ZNF148: variants seen among roughly 807,000 people sequenced by gnomAD.
ZNF148 encodes the protein zinc finger protein 148.
ZNF148 carries 7 observed loss-of-function variants against 67.7 expected under a neutral mutation model. The ratio of observed to expected loss-of-function variants is 0.10; its 90% CI spans 0.06 to 0.19. The LOEUF (loss-of-function observed/expected upper bound fraction) is 0.19. Ranked by LOEUF, ZNF148 falls within the 10% of genes least tolerant of loss-of-function variation. The pLI is 1.00. For missense variants in ZNF148, 583 were observed against 947.1 expected (o/e 0.62, Z 5.05); for synonymous variants, 333 against 330.7 (o/e 1.01, Z -0.08).
intron 1 of ZNF148, chr3:125,344,105 G>A: frequency 5.2e-6 from 1 of 190,746 alleles, no homozygotes; most frequent in Non-Finnish European, 1.1e-5. Flanking sequence ...TGCAGCAGCT[G>A]CTCCTAACCC....
chr3:125,289,382 T>C (rs1011527686), intron 4 of ZNF148, among the ~76,000 whole-genome samples: 2 of 152,220 alleles, frequency 1.3e-5, no homozygotes, highest in African/African-American at 4.8e-5. Context: ...ATGCAGGCCA[T>C]GTGAGAATCA....
chr3:125,336,321 A>G (rs1368379144), intron 1 of ZNF148, among the ~76,000 whole-genome samples: 1 of 152,194 alleles, frequency 6.6e-6, no homozygotes, highest in Non-Finnish European at 1.5e-5. Context: ...CACATTATAC[A>G]TTTACACATT....
chr3:125,345,561 T>A (rs554099048), intron 1 of ZNF148, among the ~76,000 whole-genome samples: 2 of 145,180 alleles, frequency 1.4e-5, no homozygotes, highest in Non-Finnish European at 3.0e-5. Context: ...AGCAAAAAAT[T>A]TGTAAGCCTC....
Position 125,313,318 on chromosome 3 carries a change from A to C in ZNF148, c.323T>G (p.Leu108Arg). The C allele has an allele frequency of 6.2e-7, 1 of 1,607,494 alleles. No individual in the cohort carries two copies. Among genetic ancestry groups the C allele is most frequent in the Non-Finnish European group, 8.5e-7 (1 of 1,174,888 alleles). The change falls in exon 4 of 9, where the codon CTT becomes CGT. Residue 108 changes from leucine to arginine, a missense_variant. Physicochemically the swap from Leu to Arg is moderately radical, Grantham distance 102. This residue lies in a region of ZNF148 where 150 missense variants were observed against 202.5 expected (regional missense o/e 0.74). Transcript: ENST00000360647. ...AAAGGAATTACTTACAGGGACATTA[A>C]GTGCATACTGTAGTCCTTGAGGAAG... is the stretch of plus-strand genomic sequence containing the variant. ...ERLPQGLQYA[L>R]NVPISVKQEI... is the part of the protein sequence containing the mutation.
chr3:125,265,861 A>G (rs972977120), intron 7 of ZNF148, among the ~76,000 whole-genome samples: 9 of 152,260 alleles, frequency 5.9e-5, no homozygotes, highest in Admixed American at 5.2e-4. Flanking sequence ...TAATTAATGC[A>G]CTTGTCTCTT....
At chr3:125,362,406 T>C (rs978061634) in intron 1 of ZNF148, among the ~76,000 whole-genome samples, 2 of 152,052 alleles carry the variant, frequency 1.3e-5, no homozygotes, top group African/African-American at 4.8e-5. Context: ...ATTTATTGCT[T>C]CCATATTCTT....
chr3:125,233,454 C>T lies in ZNF148; in HGVS notation c.1272G>A (p.Lys424=), dbSNP rs1242246160. 6.2e-7 allele frequency: 1 copy of T among 1,613,904 alleles called. No individual in the cohort carries two copies. Among genetic ancestry groups the T allele is most frequent in the African/African-American group, 1.3e-5 (1 of 75,028 alleles). ...GTTTATCCACAAGTTCAAAAGCATA[C>T]TTTGAAACTTTGCTCTCTTCATATG... ...LSTYEESKVS[K]YAFELVDKQA... The change falls in exon 9 of 9, where the codon AAG becomes AAA. Residue 424 remains lysine, a synonymous_variant. Transcript: ENST00000360647. This position sits in a 1 kb window ranked among gnomAD's most constrained non-coding sequence, Gnocchi z 5.1.
In ZNF148 at chr3:125,323,370, T is replaced by A; in HGVS notation, c.-78A>T. ...GAATGCTGTAGAGTTGAAAAAGAAA[T>A]CATGGTTGAGTTTCTACCTTTCATA... On this transcript the variant is annotated 5_prime_UTR_variant, in exon 3 of 9. Transcript: ENST00000360647. 1.4e-6 allele frequency: 1 copy of A among 696,192 alleles called. No individual in the cohort carries two copies. Among genetic ancestry groups the A allele is most frequent in the Non-Finnish European group, 2.6e-6 (1 of 382,976 alleles). The allele number at this position is 696,192 out of a possible 1,614,324, so 43.1% of individuals were successfully genotyped here.
intron 7 of ZNF148, among the ~76,000 whole-genome samples, chr3:125,235,606 C>A (rs901539762): frequency 8.5e-5 from 13 of 152,164 alleles, no homozygotes; most frequent in Non-Finnish European, 4.4e-5. Flanking sequence ...GTACTTTCAA[C>A]TCAATAATCA....
chr3:125,259,061 T>C (rs1937221277), intron 7 of ZNF148, among the ~76,000 whole-genome samples: 1 of 152,198 alleles, frequency 6.6e-6, no homozygotes. Flanking sequence ...TGGAAAGTAC[T>C]AAGAGGCCTT....
rs1056975423 is a variant in ZNF148, at chr3:125,226,536, T to C, written c.*5805A>G. The C allele has an allele frequency of 6.6e-6, 1 of 152,620 alleles. No individual in the cohort carries two copies. Among genetic ancestry groups the C allele is most frequent in the East Asian group, 1.9e-4 (1 of 5,198 alleles). 9.5% of individuals were successfully genotyped at this position (152,620 alleles called of 1,614,324 possible). On this transcript the variant is annotated 3_prime_UTR_variant, in exon 9 of 9. Coordinates refer to ENST00000360647, the MANE Select transcript of ZNF148 (RefSeq NM_021964.3). ...ACTCCAAATGGCAAAGATAACTATA[T>C]GACAATAGTGTTGAAAGCCGTGAAA...
chr3:125,316,560 C>T (rs907505882), intron 3 of ZNF148, among the ~76,000 whole-genome samples: 1 of 152,176 alleles, frequency 6.6e-6, no homozygotes, highest in Non-Finnish European at 1.5e-5. Context: ...GAGATGACAT[C>T]TCATTGCAGT....
chr3:125,249,538 GAAGAA>G (rs1192321463), intron 7 of ZNF148, among the ~76,000 whole-genome samples: 1 of 151,864 alleles, frequency 6.6e-6, no homozygotes, highest in Non-Finnish European at 1.5e-5. Flanking sequence ...GTGAAGCTGT[GAAGAA>G]AAGAAACCAC....
At chr3:125,324,276 C>G (rs1579806785) in intron 2 of ZNF148, among the ~76,000 whole-genome samples, 1 of 152,008 alleles carries the variant, frequency 6.6e-6, no homozygotes, top group Non-Finnish European at 1.5e-5. Context: ...CAATGGCAGG[C>G]CTTACAAACA....
At chr3:125,334,742 G>A (rs1466880237) in intron 1 of ZNF148, among the ~76,000 whole-genome samples, 1 of 152,002 alleles carries the variant, frequency 6.6e-6, no homozygotes, top group Non-Finnish European at 1.5e-5. Context: ...CCTTATAAGG[G>A]TCTACAAGGC....
intron 1 of ZNF148, among the ~76,000 whole-genome samples, chr3:125,336,530 A>C (rs1941499226): frequency 6.6e-6 from 1 of 151,724 alleles, no homozygotes; most frequent in Non-Finnish European, 1.5e-5. Flanking sequence ...TTTAAATTTA[A>C]AGTTATTAAG....
intron 1 of ZNF148, among the ~76,000 whole-genome samples, chr3:125,370,952 C>T (rs1450840740): frequency 6.6e-6 from 1 of 152,194 alleles, no homozygotes; most frequent in Non-Finnish European, 1.5e-5. Flanking sequence ...CCATCAAACC[C>T]TGTTCCTCAT....
chr3:125,255,246 T>G (rs1937021056), intron 7 of ZNF148, among the ~76,000 whole-genome samples: 2 of 135,076 alleles, frequency 1.5e-5, no homozygotes, highest in Non-Finnish European at 3.2e-5. Context: ...CTTTTTTTTT[T>G]TTTTTTTTTT....
In ZNF148 at chr3:125,234,339, A is replaced by C; in HGVS notation, c.668-10T>G. ...CGAAATGGTTTTTCACCTAGCACAT[A>C]ATATAGAAAGTTTAAAACAAAACAA... On this transcript the variant is annotated splice_polypyrimidine_tract_variant and intron_variant, in intron 7 of 8. Coordinates refer to ENST00000360647, the MANE Select transcript of ZNF148 (RefSeq NM_021964.3). 1 of 1,553,588 alleles carries C rather than the reference A, an allele frequency of 6.4e-7. No individual in the cohort carries two copies. Among genetic ancestry groups the C allele is most frequent in the African/African-American group, 1.4e-5 (1 of 73,590 alleles).
Sources: gnomAD v4.1 joint callset for allele counts (sites outside exome capture counted in the v4.1 genomes callset) on GRCh38, gnomAD v4.1.1 for gene constraint, gnomAD v4.1.1 regional missense constraint, Gnocchi (gnomAD v3.1) non-coding constraint, MANE v1.5 for transcripts, NCBI Gene and HGNC (gene_info 2026-07-23, HGNC 2026-07-21) for gene names.